Variants in SHANK2 observed in about 807,000 individuals in gnomAD.
SHANK2 encodes SH3 and multiple ankyrin repeat domains 2, also known as SH3 and multiple ankyrin repeat domains protein 2.
In SHANK2, 43 loss-of-function variants were observed where a neutral mutation model predicts 133.7. That is an observed-to-expected ratio of 0.32 (90% CI 0.25 to 0.41). The LOEUF (loss-of-function observed/expected upper bound fraction) is 0.41. Among genes scored for constraint, SHANK2 ranks in the 10% least tolerant of loss-of-function variants. SHANK2 has a pLI of 1.00. For synonymous variants in SHANK2, 1,017 were observed against 952.8 expected (o/e 1.07, Z -1.24); for missense variants, 1,994 against 2,235.8 (o/e 0.89, Z 2.18).
intron 17 of SHANK2, among the ~76,000 whole-genome samples, chr11:70,549,194 G>A (rs1554977210): frequency 6.6e-6 from 1 of 152,318 alleles, no homozygotes; most frequent in South Asian, 2.1e-4. Flanking sequence ...CTGAGACCAT[G>A]GTCCGACTTA....
At chr11:70,641,426 T>C (rs542410194) in intron 17 of SHANK2, among the ~76,000 whole-genome samples, 5 of 152,282 alleles carry the variant, frequency 3.3e-5, no homozygotes, top group Non-Finnish European at 7.4e-5. Flanking sequence ...TTAGCTTGTC[T>C]AGGAGGATCC....
chr11:70,579,789 T>G (rs782605600), intron 17 of SHANK2, among the ~76,000 whole-genome samples: 19 of 152,230 alleles, frequency 1.2e-4, no homozygotes, highest in Non-Finnish European at 2.4e-4. Flanking sequence ...GCCCTGATGT[T>G]CAGCGTCATC....
At chr11:70,589,068 C>T (rs909949454) in intron 17 of SHANK2, among the ~76,000 whole-genome samples, 3 of 152,230 alleles carry the variant, frequency 2.0e-5, no homozygotes, top group Non-Finnish European at 2.9e-5. Context: ...CCTTCCACCT[C>T]GGCCTCCCAA....
At chr11:70,551,012 CCCCTGAGGGCCAAG>C (rs1396547044) in intron 17 of SHANK2, among the ~76,000 whole-genome samples, 1 of 152,218 alleles carries the variant, frequency 6.6e-6, no homozygotes, top group African/African-American at 2.4e-5. Context: ...GAAGGCGATG[CCCCTGAGGGCCAAG>C]CGGGGAGGGC....
At chr11:70,602,247 C>G (rs1554991219) in intron 17 of SHANK2, among the ~76,000 whole-genome samples, 1 of 152,176 alleles carries the variant, frequency 6.6e-6, no homozygotes, top group African/African-American at 2.4e-5. Context: ...GTACAGCCTG[C>G]AGAACTGTGA....
intron 14 of SHANK2, among the ~76,000 whole-genome samples, chr11:70,703,317 G>A (rs566402808): frequency 6.6e-6 from 1 of 152,348 alleles, no homozygotes; most frequent in East Asian, 1.9e-4. Context: ...CAGCCTCCGG[G>A]GGTAGTACCC....
intron 3 of SHANK2, among the ~76,000 whole-genome samples, chr11:71,123,426 G>A (rs1432807597): frequency 9.2e-5 from 14 of 152,204 alleles, no homozygotes; most frequent in Admixed American, 9.2e-4. Context: ...TTGGTAAGGA[G>A]CACACATCAT....
At position 70,528,369 on chromosome 11, in the gene SHANK2, G is replaced by A. The variant is rs546773556; in HGVS notation, c.2062-25438C>T. Among the ~76,000 whole-genome samples, 45 of 152,252 alleles carry A rather than the reference G, an allele frequency of 3.0e-4. No homozygotes were observed. In the East Asian group the frequency reaches 5.8e-3, roughly 20 times the overall value. On this transcript the variant is annotated intron_variant, in intron 17 of 25. Coordinates refer to ENST00000601538, the MANE Select transcript of SHANK2 (RefSeq NM_012309.5). Reference sequence around the variant, plus strand: ...ACGCGAGGCTCCTTGCCAGTGCCTCGACGCGCAATGCAGGTGCCACCTGGT... The same window carrying A: ...ACGCGAGGCTCCTTGCCAGTGCCTCAACGCGCAATGCAGGTGCCACCTGGT...
At position 70,531,136 on chromosome 11, in the gene SHANK2, C is replaced by A. The variant is rs190033870; in HGVS notation, c.2062-28205G>T. On this transcript the variant is annotated intron_variant, in intron 17 of 25. Transcript: ENST00000601538. ...TGGCACCACTGTACCCCAGCCTGGG[C>A]AACAGAGCACGACTGTCTCAAAAAA... 1.9e-4 allele frequency among the ~76,000 whole-genome samples: 21 copies of A among 108,746 alleles called. 1 individual carries two copies. Among genetic ancestry groups the A allele is most frequent in the Admixed American group, 1.0e-3 (7 of 6,900 alleles). 71.3% of individuals were successfully genotyped at this position (108,746 alleles called of 152,430 possible).
chr11:70,896,315 C>T (rs1949933903), intron 11 of SHANK2, 186 bp downstream of exon 11: 2 of 555,956 alleles, frequency 3.6e-6, no homozygotes, highest in South Asian at 5.5e-5. Context: ...TTCCTTAGCC[C>T]CATCCCCACT....
chr11:71,099,202 G>A (rs1157232658), intron 6 of SHANK2, among the ~76,000 whole-genome samples: 17 of 152,036 alleles, frequency 1.1e-4, no homozygotes, highest in African/African-American at 3.6e-4. Context: ...CCAGGGAGAC[G>A]AATGAGGGAA....
At chr11:71,113,235 G>A (rs1951919166) in intron 5 of SHANK2, 58 bp downstream of exon 5, 2 of 1,432,852 alleles carry the variant, frequency 1.4e-6, no homozygotes, top group South Asian at 1.2e-5. Flanking sequence ...AACACAACAA[G>A]ATAACAAGGA....
chr11:70,659,615 A>T (rs1232394682), intron 17 of SHANK2, among the ~76,000 whole-genome samples: 2 of 152,142 alleles, frequency 1.3e-5, no homozygotes, highest in African/African-American at 4.8e-5. Flanking sequence ...TCCTCCTTCC[A>T]ACGGGTTACG....
At chr11:71,062,283 A>G (rs1950997380) in intron 9 of SHANK2, among the ~76,000 whole-genome samples, 1 of 152,134 alleles carries the variant, frequency 6.6e-6, no homozygotes, top group Non-Finnish European at 1.5e-5. Context: ...TCACAGTATT[A>G]TCAGGTTATG....
chr11:70,798,435 C>T lies in SHANK2; in HGVS notation c.1777+8G>A, dbSNP rs781844868. On this transcript the variant is annotated splice_region_variant and intron_variant, in intron 14 of 25. Coordinates refer to ENST00000601538, the MANE Select transcript of SHANK2 (RefSeq NM_012309.5). The stretch of plus-strand genomic sequence containing the variant: ...TCGAGGGTGGGCGGCCACGAGCGCT[C>T]GCCTTACCTGCCTGGCTGTCCCTGG... 2.1e-5 allele frequency: 15 copies of T among 717,838 alleles called. No individual in the cohort carries two copies. Among genetic ancestry groups the T allele is most frequent in the South Asian group, 7.4e-5 (5 of 67,602 alleles). 44.5% of individuals were successfully genotyped at this position (717,838 alleles called of 1,614,324 possible).
In SHANK2 at chr11:70,641,619, C is replaced by A. The variant is rs146305559; in HGVS notation, c.2061+18209G>T. ...CTTCTGCCAGCCAGAGGCGGCCGAG[C>A]CCGGTGACCTGGGCATCTGCGTATT... is the stretch of plus-strand genomic sequence containing the variant. On this transcript the variant is annotated intron_variant, in intron 17 of 25. Coordinates refer to ENST00000601538, the MANE Select transcript of SHANK2 (RefSeq NM_012309.5). Among the ~76,000 whole-genome samples, 237 of 152,310 alleles carry A rather than the reference C, an allele frequency of 1.6e-3. 2 individuals carry two copies. Among genetic ancestry groups the A allele is most frequent in the Admixed American group, 9.2e-3 (140 of 15,300 alleles).
rs1041129151 is a variant in SHANK2 at position 70,492,459 on chromosome 11, G to A, written c.2315C>T (p.Pro772Leu). 5.0e-6 allele frequency: 8 copies of A among 1,613,862 alleles called. No homozygotes were observed. Among genetic ancestry groups the A allele is most frequent in the Non-Finnish European group, 6.8e-6 (8 of 1,180,048 alleles). Residue 772 changes from proline (P) to leucine (L), a missense_variant, in exon 22 of 26, where the codon CCC becomes CTC. Physicochemically the swap from Pro to Leu is moderately conservative, Grantham distance 98. Around this residue, in one of 5 missense-constraint regions of SHANK2, gnomAD observed 488 missense variants for 642.6 expected, o/e 0.76. Transcript: ENST00000601538. Reference sequence around the variant, plus strand: ...CTTGGAGGCCGGGACTATCTCCTCGGGTTTATCTGCAATAGAACCGTGAGG... The same window carrying A: ...CTTGGAGGCCGGGACTATCTCCTCGAGTTTATCTGCAATAGAACCGTGAGG... The part of the protein sequence containing the change: ...KASVRKKKDK[P>L]EEIVPASKPS...
intron 17 of SHANK2, among the ~76,000 whole-genome samples, chr11:70,567,484 G>A (rs1016011672): frequency 2.6e-5 from 4 of 152,088 alleles, no homozygotes; most frequent in Non-Finnish European, 4.4e-5. Context: ...AAAATTAGCC[G>A]GGTGTGGTGG....
At chr11:70,639,813 G>T (rs181904001) in intron 17 of SHANK2, among the ~76,000 whole-genome samples, 186 of 152,238 alleles carry the variant, frequency 1.2e-3, no homozygotes, top group Admixed American at 3.3e-3. Flanking sequence ...CCCCCCTTGA[G>T]CCCCAAGGGG....
Sources: gnomAD v4.1 joint callset for allele counts (sites outside exome capture counted in the v4.1 genomes callset) on GRCh38, gnomAD v4.1.1 for gene constraint, gnomAD v4.1.1 regional missense constraint, MANE v1.5 for transcripts, NCBI Gene and HGNC (gene_info 2026-07-23, HGNC 2026-07-21) for gene names.